The following GALNTL6 variants were observed in gnomAD, a reference collection of about 807,000 sequenced individuals.
The protein encoded by GALNTL6 is polypeptide N-acetylgalactosaminyltransferase like 6.
A neutral mutation model predicts 73.7 loss-of-function variants in GALNTL6; 46 were observed. That is an observed-to-expected ratio of 0.62 (90% CI 0.49 to 0.80). GALNTL6 has a LOEUF of 0.80. Ranked by LOEUF, GALNTL6 falls within the 30% of genes least tolerant of loss-of-function variation. The pLI, the probability that GALNTL6 is intolerant of heterozygous loss-of-function variation, is 0.00. For synonymous variants in GALNTL6, 259 were observed against 263.7 expected, an observed-to-expected ratio of 0.98 and a Z score of 0.17; for missense variants, 604 against 755.0, an observed-to-expected ratio of 0.80 and a Z score of 2.34.
At chr4:172,530,746 G>T (rs1735142085) in intron 5 of GALNTL6, among the ~76,000 whole-genome samples, 1 of 151,980 alleles carries the variant, frequency 6.6e-6, no homozygotes, top group African/African-American at 2.4e-5. Flanking sequence ...GGAAATACAA[G>T]AAATAAAAAA....
intron 2 of GALNTL6, among the ~76,000 whole-genome samples, chr4:171,870,104 A>G (rs2110893132): frequency 6.6e-6 from 1 of 152,350 alleles, no homozygotes; most frequent in East Asian, 1.9e-4. Context: ...CCAAGAGATC[A>G]TGCAGGACGT....
At chr4:172,897,642 A>C (rs543585998) in intron 8 of GALNTL6, among the ~76,000 whole-genome samples, 8 of 152,312 alleles carry the variant, frequency 5.3e-5, no homozygotes, top group African/African-American at 1.9e-4. Flanking sequence ...TTGATGGGAC[A>C]AAACACGTAC....
intron 2 of GALNTL6, among the ~76,000 whole-genome samples, chr4:171,905,959 C>A (rs1240564701): frequency 0.03 from 4,549 of 149,538 alleles, 196 homozygotes; most frequent in African/African-American, 0.1. Flanking sequence ...AACAAAGACA[C>A]AACATACCAG....
chr4:172,664,849 C>T (rs767884647), intron 5 of GALNTL6, among the ~76,000 whole-genome samples: 17 of 152,142 alleles, frequency 1.1e-4, no homozygotes, highest in Non-Finnish European at 2.4e-4. Context: ...ACTTTAAAAA[C>T]TAAGCACTTC....
intron 8 of GALNTL6, among the ~76,000 whole-genome samples, chr4:172,928,606 T>C (rs1748177904): frequency 6.6e-6 from 1 of 152,204 alleles, no homozygotes; most frequent in South Asian, 2.1e-4. Context: ...ATCATTTTAT[T>C]AGAAATTTCT....
chr4:172,332,874 G>A (rs548910692), intron 4 of GALNTL6, among the ~76,000 whole-genome samples: 6 of 152,136 alleles, frequency 3.9e-5, no homozygotes, highest in Non-Finnish European at 7.4e-5. Context: ...TTGAGAAATC[G>A]TCATACTGTT....
intron 2 of GALNTL6, among the ~76,000 whole-genome samples, chr4:172,083,479 C>T (rs187950576): frequency 6.6e-6 from 1 of 152,336 alleles, no homozygotes; most frequent in East Asian, 1.9e-4. Context: ...AACACAATAT[C>T]ATACTCAAGA....
chr4:172,017,404 C>T (rs1334297991), intron 2 of GALNTL6, among the ~76,000 whole-genome samples: 1 of 152,066 alleles, frequency 6.6e-6, no homozygotes, highest in African/African-American at 2.4e-5. Flanking sequence ...GTGTGCTCCT[C>T]CTGTGGGGCT....
At position 171,888,595 on chromosome 4, in the gene GALNTL6, C is replaced by T. The variant is rs953426911; in HGVS notation, c.138+73877C>T. Among the ~76,000 whole-genome samples, 6 of 152,070 alleles carry T rather than the reference C, an allele frequency of 3.9e-5. No homozygotes were observed. In the South Asian group the frequency reaches 1.2e-3, roughly 32 times the overall value. ...TGATGGGACAGATGTAAAGGAAATA[C>T]CAATTGGCAAAATCTAAACAAGCCC... On this transcript the variant is annotated intron_variant, in intron 2 of 12. Coordinates refer to ENST00000506823, the MANE Select transcript of GALNTL6 (RefSeq NM_001034845.3).
chr4:172,955,821 G>C (rs796733299), intron 10 of GALNTL6, among the ~76,000 whole-genome samples: 57 of 152,036 alleles, frequency 3.7e-4, no homozygotes, highest in African/African-American at 1.4e-3. Flanking sequence ...CAGTCAAAGG[G>C]GGGGTTGTTC....
At chr4:171,917,308 G>A (rs1428918998) in intron 2 of GALNTL6, among the ~76,000 whole-genome samples, 1 of 152,110 alleles carries the variant, frequency 6.6e-6, no homozygotes, top group East Asian at 1.9e-4. Context: ...AGGAAGGTGA[G>A]CTTGGCAGGT....
At chr4:171,855,412 T>C (rs1735660536) in intron 2 of GALNTL6, among the ~76,000 whole-genome samples, 1 of 152,234 alleles carries the variant, frequency 6.6e-6, no homozygotes, top group Admixed American at 6.5e-5. Context: ...CACGTAGCAA[T>C]ATGCATTTAA....
intron 2 of GALNTL6, among the ~76,000 whole-genome samples, chr4:172,078,757 G>A (rs1464407312): frequency 5.9e-5 from 9 of 152,108 alleles, no homozygotes. Flanking sequence ...AGGGAAAAGG[G>A]TGTATTCGTA....
chr4:172,338,641 T>C (rs1578970826), intron 4 of GALNTL6, among the ~76,000 whole-genome samples: 1 of 152,210 alleles, frequency 6.6e-6, no homozygotes, highest in Non-Finnish European at 1.5e-5. Flanking sequence ...CCAATGTGGC[T>C]GGGTACATAT....
rs184959613 is a variant in GALNTL6 at position 172,987,077 on chromosome 4, C to T, written c.1372-22101C>T. On this transcript the variant is annotated intron_variant, in intron 10 of 12. Transcript: ENST00000506823. ...AACATAATTTTTCTCTCTCCAGTCT[C>T]CGAATTTTATTAAAGACAAATCATG... 2.6e-3 allele frequency among the ~76,000 whole-genome samples: 401 copies of T among 152,162 alleles called. 2 individuals are homozygous for T. Among genetic ancestry groups the T allele is most frequent in the Non-Finnish European group, 3.0e-3 (203 of 68,026 alleles).
intron 5 of GALNTL6, among the ~76,000 whole-genome samples, chr4:172,554,254 C>A (rs1421101273): frequency 6.6e-6 from 1 of 152,166 alleles, no homozygotes; most frequent in African/African-American, 2.4e-5. Flanking sequence ...GCATTGCATG[C>A]ATTTCCTCAC....
chr4:171,931,637 A>G (rs1050211772), intron 2 of GALNTL6, among the ~76,000 whole-genome samples: 2 of 152,216 alleles, frequency 1.3e-5, no homozygotes, highest in African/African-American at 4.8e-5. Flanking sequence ...TCACTGCTTT[A>G]TATAAAAACA....
intron 2 of GALNTL6, among the ~76,000 whole-genome samples, chr4:172,117,453 CTCT>C (rs1177386409): frequency 6.6e-6 from 1 of 152,144 alleles, no homozygotes; most frequent in Non-Finnish European, 1.5e-5. Flanking sequence ...TTAAAACTAA[CTCT>C]TCCCCTATTA....
intron 3 of GALNTL6, among the ~76,000 whole-genome samples, chr4:172,283,078 A>G (rs1364761716): frequency 6.6e-6 from 1 of 152,186 alleles, no homozygotes; most frequent in East Asian, 1.9e-4. Context: ...AGAAAATAGC[A>G]TGGACCATAA....
Sources: allele counts gnomAD v4.1 joint callset (sites outside exome capture counted in the v4.1 genomes callset), GRCh38; gene constraint gnomAD v4.1.1; transcripts MANE v1.5; gene names NCBI Gene and HGNC (gene_info 2026-07-23, HGNC 2026-07-21).